Variants in DPP8 observed in about 807,000 individuals in gnomAD.
DPP8 encodes the protein DPP VIII.
DPP8 carries 31 observed loss-of-function variants against 107.5 expected under a neutral mutation model. The observed-to-expected ratio is 0.29, with a 90% CI of 0.22 to 0.39. DPP8 has a LOEUF of 0.39. DPP8 is among the 10% of genes least tolerant of loss of function. The pLI is 1.00. For missense variants in DPP8, 842 were observed against 1,076.1 expected (o/e 0.78, Z 3.04); for synonymous variants, 381 against 356.6 (o/e 1.07, Z -0.77).
At chr15:65,511,060 C>G (rs559601139) in intron 2 of DPP8, among the ~76,000 whole-genome samples, 2 of 152,140 alleles carry the variant, frequency 1.3e-5, no homozygotes, top group Non-Finnish European at 2.9e-5. Flanking sequence ...TAATATCAAT[C>G]AAAATTCAAA....
intron 5 of DPP8, among the ~76,000 whole-genome samples, chr15:65,490,997 A>C (rs2067972931): frequency 6.6e-6 from 1 of 151,922 alleles, no homozygotes; most frequent in Non-Finnish European, 1.5e-5. Flanking sequence ...GTCTCTACTA[A>C]AAATACAAAA....
intron 12 of DPP8, among the ~76,000 whole-genome samples, chr15:65,469,627 T>A (rs1489709660): frequency 8.5e-6 from 1 of 117,404 alleles, no homozygotes; most frequent in Non-Finnish European, 1.6e-5. Context: ...CACTCTAGCC[T>A]GGGCAACAAA....
intron 19 of DPP8, among the ~76,000 whole-genome samples, chr15:65,448,032 C>T (rs910525064): frequency 1.5e-4 from 22 of 151,634 alleles, no homozygotes; most frequent in African/African-American, 5.3e-4. Context: ...GTATAAGATC[C>T]ACACTTTACT....
rs186401643 is a variant in DPP8 at position 65,445,052 on chromosome 15, T to C, written c.*1832A>G. ...AATATCAAACATGAAAAGCAATACA[T>C]ATACAGATAATAAGAAAAAGCGTGG... On this transcript the variant is annotated 3_prime_UTR_variant, in exon 20 of 20. Transcript: ENST00000300141. 3.3e-5 allele frequency: 5 copies of C among 152,266 alleles called. No homozygotes were observed. Among genetic ancestry groups the C allele is most frequent in the Admixed American group, 2.6e-4 (4 of 15,284 alleles). The allele number at this position is 152,266 out of a possible 1,614,324, so 9.4% of individuals were successfully genotyped here. A position where few individuals can be genotyped will look rare whatever the true frequency, so the allele number is the denominator to read the frequency against.
At chr15:65,515,107 C>T (rs2071281788) in intron 1 of DPP8, among the ~76,000 whole-genome samples, 1 of 152,142 alleles carries the variant, frequency 6.6e-6, no homozygotes, top group East Asian at 1.9e-4. Context: ...GCCTCCTGAG[C>T]AGCTAAGACC....
At chr15:65,471,733 C>T (rs2065915977) in intron 12 of DPP8, among the ~76,000 whole-genome samples, 1 of 152,014 alleles carries the variant, frequency 6.6e-6, no homozygotes, top group South Asian at 2.1e-4. Context: ...AGTGATCCCT[C>T]GACACTGGCC....
Position 65,512,358 on chromosome 15 carries a change from C to T in DPP8, c.196G>A (p.Asp66Asn). ...TCATTCCTCTTCACAAACATGAAAT[C>T]ATGTGGTGCCTTAGCCATCATGTAG... ...HGYMMAKAPH[D>N]FMFVKRNDPD... is the part of the protein sequence containing the mutation. The change falls in exon 2 of 20, where the codon GAT becomes AAT. Residue 66 changes from aspartate to asparagine, a missense_variant. Physicochemically the swap from Asp to Asn is conservative, Grantham distance 23. Coordinates refer to ENST00000300141, the MANE Select transcript of DPP8 (RefSeq NM_130434.5). 1.9e-6 allele frequency: 3 copies of T among 1,614,048 alleles called. No individual in the cohort carries two copies. The highest frequency in any genetic ancestry group is 2.5e-6 in the Non-Finnish European group (3 of 1,180,020).
At chr15:65,466,986 GCCAATTT>G in intron 13 of DPP8, 78 bp downstream of exon 13, 2 of 1,531,346 alleles carry the variant, frequency 1.3e-6, no homozygotes, top group Non-Finnish European at 1.8e-6. Context: ...GCTTTTGCAG[GCCAATTT>G]CACATCATTC....
At chr15:65,515,827 G>A in intron 1 of DPP8, 2 of 782,218 alleles carry the variant, frequency 2.6e-6, no homozygotes, top group Non-Finnish European at 4.0e-6. Context: ...ATAAGACTTT[G>A]ATCATTAAGA....
At chr15:65,475,012 T>C (rs1004315994) in intron 11 of DPP8, among the ~76,000 whole-genome samples, 3 of 152,224 alleles carry the variant, frequency 2.0e-5, no homozygotes, top group South Asian at 2.1e-4. Flanking sequence ...TTTCTTTTCG[T>C]TGTTTTTTTT....
chr15:65,494,978 T>C (rs1263583383), intron 5 of DPP8, among the ~76,000 whole-genome samples: 1 of 152,164 alleles, frequency 6.6e-6, no homozygotes, highest in Non-Finnish European at 1.5e-5. Flanking sequence ...ATGATTATGA[T>C]GATCACACCA....
intron 12 of DPP8, 46 bp downstream of exon 12, chr15:65,474,163 A>C (rs780926101): frequency 2.2e-6 from 3 of 1,354,082 alleles, no homozygotes; most frequent in Non-Finnish European, 3.2e-6. Context: ...CACTGCATTC[A>C]CACAGTAATA....
chr15:65,502,266 G>A (rs1311179033), intron 3 of DPP8, among the ~76,000 whole-genome samples: 2 of 149,402 alleles, frequency 1.3e-5, no homozygotes, highest in Non-Finnish European at 2.9e-5. Flanking sequence ...ATTTAACTAT[G>A]GTATTGTTTT....
At chr15:65,488,620 A>C (rs2067678404) in intron 6 of DPP8, among the ~76,000 whole-genome samples, 3 of 151,292 alleles carry the variant, frequency 2.0e-5, no homozygotes, top group South Asian at 2.1e-4. Flanking sequence ...AAAAAAAAAA[A>C]AAAAAAAACC....
At chr15:65,494,138 G>A (rs897176185) in intron 5 of DPP8, among the ~76,000 whole-genome samples, 1 of 104,482 alleles carries the variant, frequency 9.6e-6, no homozygotes, top group Non-Finnish European at 1.8e-5. Context: ...AATTCAAACC[G>A]GTTCTATATC....
At chr15:65,478,091 G>T (rs1037567596) in intron 11 of DPP8, among the ~76,000 whole-genome samples, 2 of 151,972 alleles carry the variant, frequency 1.3e-5, no homozygotes, top group South Asian at 4.1e-4. Context: ...ACTTTTTAAA[G>T]AAAAATTAAC....
At chr15:65,490,383 G>C in intron 5 of DPP8, 84 bp from the exon 6 acceptor site, 1 of 870,066 alleles carries the variant, frequency 1.1e-6, no homozygotes, top group Non-Finnish European at 1.9e-6. Flanking sequence ...TATTTGGAAA[G>C]GTGGCTGGAA....
At position 65,480,360 on chromosome 15, in the gene DPP8, T is replaced by C. The variant is rs352461; in HGVS notation, c.1158A>G (p.Leu386=). ...SILLDRSQTR[L]QIVLISPELF... is the part of the protein sequence containing the mutation. ...ATTCAGGTGAGATCAACACTATCTGTAGGCGAGTCTGGGAGCGATCTAGTA... is the reference window on the plus strand; with the variant it reads ...ATTCAGGTGAGATCAACACTATCTGCAGGCGAGTCTGGGAGCGATCTAGTA... Residue 386 remains leucine, a synonymous_variant, in exon 10 of 20, where the codon CTA becomes CTG. Coordinates refer to ENST00000300141, the MANE Select transcript of DPP8 (RefSeq NM_130434.5). The C allele has an allele frequency of 0.069, 111,980 of 1,612,854 alleles. 6,158 individuals carry two copies. Among genetic ancestry groups the C allele is most frequent in the African/African-American group, 0.29 (21,874 of 74,774 alleles).
chr15:65,499,029 G>A (rs1391008026), intron 4 of DPP8, among the ~76,000 whole-genome samples: 3 of 151,170 alleles, frequency 2.0e-5, no homozygotes, highest in Non-Finnish European at 4.4e-5. Flanking sequence ...CTGCACTCCA[G>A]CCTGGATGAC....
Sources: allele counts gnomAD v4.1 joint callset (sites outside exome capture counted in the v4.1 genomes callset), GRCh38; gene constraint gnomAD v4.1.1; transcripts MANE v1.5; gene names NCBI Gene and HGNC (gene_info 2026-07-23, HGNC 2026-07-21).